Variants in USP7 observed in about 807,000 individuals in gnomAD.
The protein encoded by USP7 is ubiquitin C-terminal hydrolase 7.
Under a neutral mutation model 162.9 loss-of-function variants are expected in USP7, and 9 were observed. The ratio of observed to expected loss-of-function variants is 0.06; its 90% CI spans 0.03 to 0.10. The LOEUF (loss-of-function observed/expected upper bound fraction) is 0.10, where lower values mean the gene tolerates loss of function less well. Ranked by LOEUF, USP7 falls within the 10% of genes least tolerant of loss-of-function variation. The pLI is 1.00. For missense variants in USP7, 715 were observed against 1,373.7 expected, an observed-to-expected ratio of 0.52 and a Z score of 7.58; for synonymous variants, 562 against 475.9, an observed-to-expected ratio of 1.18 and a Z score of -2.35.
intron 1 of USP7, among the ~76,000 whole-genome samples, chr16:8,951,860 G>A (rs953872251): frequency 6.6e-6 from 1 of 152,214 alleles, no homozygotes; most frequent in Non-Finnish European, 1.5e-5. Flanking sequence ...ACCAACGTGC[G>A]TTATTTTGCT....
chr16:8,923,449 T>TG, intron 2 of USP7, 36 bp from the exon 3 acceptor site: 1 of 1,607,622 alleles, frequency 6.2e-7, no homozygotes, highest in Non-Finnish European at 8.5e-7. Flanking sequence ...ACAGAGCCTG[T>TG]GCATTGACCA....
chr16:8,916,646 T>A (rs1162440756), intron 7 of USP7, 90 bp from the exon 8 acceptor site: 55 of 1,249,942 alleles, frequency 4.4e-5, no homozygotes, highest in Non-Finnish European at 6.0e-5. Flanking sequence ...CTAAACTGGA[T>A]AATCAGCTAT....
chr16:8,910,600 A>G (rs902963186), intron 11 of USP7, 145 bp downstream of exon 11: 2 of 726,168 alleles, frequency 2.8e-6, no homozygotes, highest in African/African-American at 3.6e-5. Context: ...CTCCCCATTC[A>G]ATTATCCTAC....
At chr16:8,956,373 G>C (rs1899799794) in intron 1 of USP7, 1 of 152,238 alleles carries the variant, frequency 6.6e-6, no homozygotes, top group Non-Finnish European at 1.5e-5. Context: ...GCTCCTGGCA[G>C]ATAACATGGG....
chr16:8,907,970 C>T (rs970030283), intron 12 of USP7, among the ~76,000 whole-genome samples: 25 of 152,162 alleles, frequency 1.6e-4, no homozygotes, highest in African/African-American at 6.0e-4. Flanking sequence ...TAAACGAATA[C>T]ACTAAAAGTC....
At chr16:8,950,919 G>A (rs1899517497) in intron 1 of USP7, among the ~76,000 whole-genome samples, 1 of 152,192 alleles carries the variant, frequency 6.6e-6, no homozygotes, top group Admixed American at 6.5e-5. Flanking sequence ...TTTTTCCCAA[G>A]AGAACCTCAT....
At chr16:8,961,611 C>G (rs1301209346) in intron 1 of USP7, among the ~76,000 whole-genome samples, 2 of 150,978 alleles carry the variant, frequency 1.3e-5, no homozygotes, top group Non-Finnish European at 2.9e-5. Context: ...TTAATTCTCA[C>G]TAGTGTCCAA....
intron 2 of USP7, among the ~76,000 whole-genome samples, chr16:8,926,394 G>A (rs1309382422): frequency 3.3e-5 from 5 of 152,114 alleles, no homozygotes; most frequent in South Asian, 2.1e-4. Flanking sequence ...CAGGAGAATC[G>A]CTTGAACCTG....
At chr16:8,917,921 C>G (rs1159226444) in intron 6 of USP7, among the ~76,000 whole-genome samples, 1 of 152,136 alleles carries the variant, frequency 6.6e-6, no homozygotes, top group Non-Finnish European at 1.5e-5. Flanking sequence ...TCCCCAGTAG[C>G]TGGGACTACA....
At position 8,892,831 on chromosome 16, in the gene USP7, T is replaced by C. The variant is rs535411938; in HGVS notation, c.*1167A>G. 9 of 152,130 alleles carry C rather than the reference T, an allele frequency of 5.9e-5. No homozygotes were observed. In the East Asian group the frequency reaches 7.7e-4, roughly 13 times the overall value. The allele number at this position is 152,130 out of a possible 1,614,324, so 9.4% of individuals were successfully genotyped here. ...AACATTTTCCAGCAAAAAGGCAATATACAGGAAGAGTTGGTGTACACTGCT... is the reference window on the plus strand; with the variant it reads ...AACATTTTCCAGCAAAAAGGCAATACACAGGAAGAGTTGGTGTACACTGCT... On this transcript the variant is annotated 3_prime_UTR_variant, in exon 31 of 31. Coordinates refer to ENST00000344836, the MANE Select transcript of USP7 (RefSeq NM_003470.3).
chr16:8,897,495 G>A (rs1318715499), intron 25 of USP7, among the ~76,000 whole-genome samples: 1 of 151,796 alleles, frequency 6.6e-6, no homozygotes, highest in Non-Finnish European at 1.5e-5. Context: ...CTACAAAGGT[G>A]AGGCTATTTA....
At chr16:8,921,372 G>C (rs1337732980) in intron 3 of USP7, 77 bp from the exon 4 acceptor site, 1 of 1,506,856 alleles carries the variant, frequency 6.6e-7, no homozygotes, top group Non-Finnish European at 9.0e-7. Context: ...AGTAAACATA[G>C]CACACCAAAA....
intron 18 of USP7, 30 bp from the exon 19 acceptor site, chr16:8,901,264 G>A: frequency 6.8e-7 from 1 of 1,468,428 alleles, no homozygotes; most frequent in Non-Finnish European, 9.5e-7. Flanking sequence ...GTTTTGTTAA[G>A]ATCCAAACAC....
chr16:8,957,429 G>T (rs928432161), intron 1 of USP7, among the ~76,000 whole-genome samples: 1 of 152,076 alleles, frequency 6.6e-6, no homozygotes, highest in Non-Finnish European at 1.5e-5. Context: ...GGATATCCAC[G>T]CTATTTGTTA....
intron 23 of USP7, 25 bp downstream of exon 23, chr16:8,899,096 G>T (rs370579061): frequency 4.5e-5 from 73 of 1,612,564 alleles, no homozygotes; most frequent in African/African-American, 1.2e-4. Flanking sequence ...TCAAGACCAA[G>T]CAAGTGTCCA....
At chr16:8,920,620 T>C (rs1040586672) in intron 4 of USP7, among the ~76,000 whole-genome samples, 173 bp from the exon 5 acceptor site, 2 of 152,210 alleles carry the variant, frequency 1.3e-5, no homozygotes, top group African/African-American at 4.8e-5. Flanking sequence ...AACAGTGGTC[T>C]CACAACAAAT....
At chr16:8,898,269 GTGGTGTCT>G (rs1416970921) in intron 25 of USP7, 83 bp downstream of exon 25, 1 of 1,085,904 alleles carries the variant, frequency 9.2e-7, no homozygotes, top group African/African-American at 1.6e-5. Flanking sequence ...GTGTTTTTCT[GTGGTGTCT>G]TAGTTTTCAA....
intron 3 of USP7, among the ~76,000 whole-genome samples, chr16:8,923,006 T>C (rs1249574268): frequency 3.3e-5 from 5 of 152,246 alleles, no homozygotes; most frequent in Non-Finnish European, 1.5e-5. Flanking sequence ...GCTGGTAGAT[T>C]CTAACAAACT....
At chr16:8,913,172 A>G (rs1388306985) in intron 10 of USP7, among the ~76,000 whole-genome samples, 1 of 152,208 alleles carries the variant, frequency 6.6e-6, no homozygotes, top group African/African-American at 2.4e-5. Context: ...CCTGCCCAAC[A>G]TGGTGAAACC....
Sources: gnomAD v4.1 joint callset for allele counts (sites outside exome capture counted in the v4.1 genomes callset) on GRCh38, gnomAD v4.1.1 for gene constraint, MANE v1.5 for transcripts, NCBI Gene and HGNC (gene_info 2026-07-23, HGNC 2026-07-21) for gene names.